The following ADGRL2 variants were observed in gnomAD, a reference collection of about 807,000 sequenced individuals.
ADGRL2 encodes adhesion G protein-coupled receptor L2.
In ADGRL2, 44 loss-of-function variants were observed where a neutral mutation model predicts 157.4. That is an observed-to-expected ratio of 0.28 (90% confidence interval 0.22 to 0.36). The LOEUF (loss-of-function observed/expected upper bound fraction) is 0.36, where lower values mean the gene tolerates loss of function less well. Ranked by LOEUF, ADGRL2 falls within the 10% of genes least tolerant of loss-of-function variation. The pLI, the probability that ADGRL2 is intolerant of heterozygous loss-of-function variation, is 1.00. For missense variants in ADGRL2, 1,510 were observed against 1,768.9 expected, an observed-to-expected ratio of 0.85 and a Z score of 2.63; for synonymous variants, 585 against 624.7, an observed-to-expected ratio of 0.94 and a Z score of 0.95.
At chr1:81,686,604 G>T (rs1321605945) in intron 3 of ADGRL2, among the ~76,000 whole-genome samples, 3 of 151,792 alleles carry the variant, frequency 2.0e-5, no homozygotes, top group East Asian at 1.9e-4. Context: ...TTTAACTTTG[G>T]TATTTTTTGT....
intron 3 of ADGRL2, among the ~76,000 whole-genome samples, chr1:81,917,167 T>C: frequency 6.6e-6 from 1 of 152,224 alleles, no homozygotes; most frequent in Middle Eastern, 3.4e-3. Context: ...GATCTTAAAC[T>C]GTCATTTATT....
intron 1 of ADGRL2, among the ~76,000 whole-genome samples, chr1:81,391,339 A>T (rs1200831580): frequency 6.6e-6 from 1 of 152,308 alleles, no homozygotes; most frequent in African/African-American, 2.4e-5. Flanking sequence ...GGCATAGAAG[A>T]GCTGCTCTGC....
At chr1:81,969,734 T>C (rs955064028) in intron 15 of ADGRL2, among the ~76,000 whole-genome samples, 1 of 152,180 alleles carries the variant, frequency 6.6e-6, no homozygotes, top group African/African-American at 2.4e-5. Flanking sequence ...TTTGTATTCA[T>C]AGCAATTGAT....
At chr1:81,791,066 CAAAAAAAAAAA>C (rs11411906) in intron 2 of ADGRL2, among the ~76,000 whole-genome samples, 3 of 37,462 alleles carry the variant, frequency 8.0e-5, no homozygotes, top group Non-Finnish European at 1.3e-4. Context: ...GACCCTATCT[CAAAAAAAAAAA>C]AAAAAAAAAA....
chr1:81,840,844 A>G (rs539768817), intron 2 of ADGRL2, among the ~76,000 whole-genome samples: 2 of 152,306 alleles, frequency 1.3e-5, no homozygotes, highest in African/African-American at 4.8e-5. Flanking sequence ...TTATTTCTAG[A>G]GAACTAATCT....
chr1:81,400,172 TC>T (rs1234016686), intron 1 of ADGRL2, among the ~76,000 whole-genome samples: 1 of 151,918 alleles, frequency 6.6e-6, no homozygotes, highest in Non-Finnish European at 1.5e-5. Context: ...TGTTCCCATT[TC>T]CCCCCAGTGG....
intron 2 of ADGRL2, among the ~76,000 whole-genome samples, chr1:81,765,841 C>T (rs574350444): frequency 6.6e-6 from 1 of 152,160 alleles, no homozygotes; most frequent in Admixed American, 6.5e-5. Context: ...AGCCAATAGT[C>T]ATTTTGTCAT....
intron 2 of ADGRL2, among the ~76,000 whole-genome samples, chr1:81,521,105 G>T (rs2079304149): frequency 1.3e-5 from 2 of 152,146 alleles, no homozygotes; most frequent in African/African-American, 4.8e-5. Context: ...ATTCTGGAAG[G>T]TCATGTACTC....
intron 11 of ADGRL2, among the ~76,000 whole-genome samples, chr1:81,958,660 T>C (rs1654371931): frequency 6.6e-6 from 1 of 152,308 alleles, no homozygotes; most frequent in African/African-American, 2.4e-5. Context: ...AAATATGCAA[T>C]AAGAGCACCT....
At chr1:81,724,463 A>G (rs1204081640) in intron 1 of ADGRL2, among the ~76,000 whole-genome samples, 1 of 152,170 alleles carries the variant, frequency 6.6e-6, no homozygotes, top group Non-Finnish European at 1.5e-5. Flanking sequence ...AGTTGTTGAG[A>G]CTATGAAAGA....
intron 1 of ADGRL2, among the ~76,000 whole-genome samples, chr1:81,702,761 G>A (rs1229298547): frequency 6.6e-6 from 1 of 152,126 alleles, no homozygotes; most frequent in African/African-American, 2.4e-5. Flanking sequence ...TTACCAAGGA[G>A]AGTTAAAAAA....
chr1:81,990,134 C>A (rs186843595), intron 23 of ADGRL2: 1 of 985,318 alleles, frequency 1.0e-6, no homozygotes, highest in Non-Finnish European at 1.2e-6. Context: ...GTACTGTCTC[C>A]TGAAATTGAT....
upstream of ADGRL2, among the ~76,000 whole-genome samples, chr1:81,698,483 A>G (rs1378164859): frequency 3.3e-5 from 5 of 152,320 alleles, no homozygotes; most frequent in East Asian, 1.9e-4. Context: ...TTACATGTCA[A>G]TCTTGTGCCA....
At chr1:81,969,459 T>C in intron 15 of ADGRL2, 72 bp downstream of exon 15, 2 of 956,088 alleles carry the variant, frequency 2.1e-6, no homozygotes, top group Non-Finnish European at 3.3e-6. Context: ...TGACATATGA[T>C]ACTGATATTA....
chr1:81,935,430 A>G (rs916010683), intron 3 of ADGRL2, among the ~76,000 whole-genome samples: 1 of 152,072 alleles, frequency 6.6e-6, no homozygotes, highest in Admixed American at 6.6e-5. Flanking sequence ...TTAATCCTGT[A>G]GTTTTCAGGC....
intron 8 of ADGRL2, 52 bp downstream of exon 8, chr1:81,951,173 C>G: frequency 3.4e-6 from 4 of 1,190,098 alleles, no homozygotes; most frequent in Non-Finnish European, 5.0e-6. Flanking sequence ...GCATTAACTT[C>G]TAACATAAAT....
intron 1 of ADGRL2, among the ~76,000 whole-genome samples, chr1:81,378,177 C>CAA (rs71088208): frequency 6.8e-6 from 1 of 146,242 alleles, no homozygotes. Context: ...GACTCTGTCT[C>CAA]AAAAAAAAAA....
intron 11 of ADGRL2, among the ~76,000 whole-genome samples, chr1:81,957,601 G>C (rs980501023): frequency 1.3e-5 from 2 of 152,080 alleles, no homozygotes; most frequent in African/African-American, 2.4e-5. Flanking sequence ...CCAGCTACTG[G>C]GGAGGCTGAG....
chr1:81,931,169 A>T (rs1415514295), intron 3 of ADGRL2, among the ~76,000 whole-genome samples: 3 of 152,094 alleles, frequency 2.0e-5, no homozygotes, highest in African/African-American at 7.2e-5. Flanking sequence ...AAAAACAAAT[A>T]AACAAAATTC....
Sources: gnomAD v4.1 joint callset for allele counts (sites outside exome capture counted in the v4.1 genomes callset) on GRCh38, gnomAD v4.1.1 for gene constraint, MANE v1.5 for transcripts, NCBI Gene and HGNC (gene_info 2026-07-23, HGNC 2026-07-21) for gene names.